INPP4A: variants seen among roughly 807,000 people sequenced by gnomAD.
INPP4A encodes inositol polyphosphate-4-phosphatase type I A.
INPP4A carries 33 observed loss-of-function variants against 119.8 expected under a neutral mutation model. That is an observed-to-expected ratio of 0.28 (90% CI 0.21 to 0.37). The LOEUF is 0.37. Among genes scored for constraint, INPP4A ranks in the 10% least tolerant of loss-of-function variants. INPP4A has a pLI of 1.00. For missense variants in INPP4A, 956 were observed against 1,289.9 expected (o/e 0.74, Z 3.97); for synonymous variants, 496 against 500.7 (o/e 0.99, Z 0.12).
At chr2:98,555,985 G>A (rs1694424678) in intron 16 of INPP4A, 177 bp downstream of exon 16, 1 of 687,240 alleles carries the variant, frequency 1.5e-6, no homozygotes, top group Non-Finnish European at 2.3e-6. Flanking sequence ...GGAGTCTCCG[G>A]TTGCCTTTCC....
At chr2:98,513,637 G>T (rs1685553048) in intron 1 of INPP4A, among the ~76,000 whole-genome samples, 1 of 152,252 alleles carries the variant, frequency 6.6e-6, no homozygotes, top group South Asian at 2.1e-4. Context: ...AGCAGAATGT[G>T]AGCTGTTGTG....
In INPP4A at chr2:98,532,132, A is replaced by G. The variant is rs149380686; in HGVS notation, c.152-1245A>G. Among the ~76,000 whole-genome samples, 4 of 152,326 alleles carry G rather than the reference A, an allele frequency of 2.6e-5. No individual in the cohort carries two copies. The East Asian group carries it at 7.7e-4, about 29-fold the overall frequency. On this transcript the variant is annotated intron_variant, in intron 4 of 24. Transcript: ENST00000409851. ...GTAACTTACTCTGAATGAACATGAC[A>G]AAGATATCTTCCCAGGTAAACTCTC...
chr2:98,518,073 T>G (rs1214978253), intron 1 of INPP4A, among the ~76,000 whole-genome samples: 1 of 152,276 alleles, frequency 6.6e-6, no homozygotes, highest in Non-Finnish European at 1.5e-5. Flanking sequence ...TCCTACCTTT[T>G]GCCACTTGCA....
intron 1 of INPP4A, among the ~76,000 whole-genome samples, chr2:98,490,934 T>A (rs906968065): frequency 6.6e-6 from 1 of 152,210 alleles, no homozygotes; most frequent in East Asian, 1.9e-4. Context: ...ACGAAAACCC[T>A]TTCCAAAGAA....
At chr2:98,461,342 C>T (rs1697118191) in intron 1 of INPP4A, among the ~76,000 whole-genome samples, 1 of 152,224 alleles carries the variant, frequency 6.6e-6, no homozygotes, top group African/African-American at 2.4e-5. Context: ...AAGGGATGCT[C>T]ATTGCCAAGG....
At chr2:98,494,126 G>C (rs1299266111) in intron 1 of INPP4A, among the ~76,000 whole-genome samples, 1 of 152,178 alleles carries the variant, frequency 6.6e-6, no homozygotes, top group Non-Finnish European at 1.5e-5. Flanking sequence ...CTCAGCATGA[G>C]AGAAGCTATG....
intron 1 of INPP4A, among the ~76,000 whole-genome samples, chr2:98,478,347 A>G (rs1048693633): frequency 3.3e-5 from 5 of 152,134 alleles, no homozygotes; most frequent in Non-Finnish European, 7.4e-5. Flanking sequence ...TGGGACCAGG[A>G]CTGCTCCAAG....
At chr2:98,484,292 A>G (rs1679104052) in intron 1 of INPP4A, among the ~76,000 whole-genome samples, 2 of 152,080 alleles carry the variant, frequency 1.3e-5, no homozygotes, top group African/African-American at 2.4e-5. Context: ...CTAGTTGCCC[A>G]CAAGCCTTAT....
At chr2:98,564,606 T>TGACCCTGAACCTCC (rs750181216) in intron 18 of INPP4A, 34 bp from the exon 19 acceptor site, 9 of 1,611,660 alleles carry the variant, frequency 5.6e-6, no homozygotes, top group Non-Finnish European at 2.5e-6. Context: ...AGCAGGCACC[T>TGACCCTGAACCTCC]GACCCTGAAC....
chr2:98,581,566 C>G, intron 24 of INPP4A: 1 of 1,482,396 alleles, frequency 6.7e-7, no homozygotes, highest in Non-Finnish European at 8.9e-7. Flanking sequence ...AAACTTTTTC[C>G]TTTTCACAGC....
intron 2 of INPP4A, 143 bp downstream of exon 2, chr2:98,519,168 G>A (rs1358579731): frequency 6.6e-6 from 1 of 152,246 alleles, no homozygotes; most frequent in Non-Finnish European, 1.5e-5. Flanking sequence ...TTATTGCTCA[G>A]TCTAATTATC....
intron 17 of INPP4A, among the ~76,000 whole-genome samples, chr2:98,562,860 G>A (rs1695740748): frequency 6.6e-6 from 1 of 151,204 alleles, no homozygotes; most frequent in African/African-American, 2.4e-5. Flanking sequence ...GGAAGGTGGG[G>A]GTGGGGAAGG....
Position 98,577,168 on chromosome 2 carries a change from GC to G in INPP4A, c.2786+29del, listed in dbSNP as rs1006341188. The G allele has an allele frequency of 7.7e-6, 12 of 1,550,342 alleles. No individual in the cohort carries two copies. The East Asian group carries it at 9.6e-5, about 12-fold the overall frequency. On this transcript the variant is annotated intron_variant, in intron 24 of 24. Transcript: ENST00000409851. ...GGTGAGTGCCGCAGCCAGGCCGCGC[GC>G]CCCGCCTGCCCCGGCCCGTGTAAAC...
At chr2:98,518,514 G>A (rs1052996403) in intron 1 of INPP4A, among the ~76,000 whole-genome samples, 1 of 152,252 alleles carries the variant, frequency 6.6e-6, no homozygotes, top group Non-Finnish European at 1.5e-5. Context: ...CAGCATTGTG[G>A]GAACTCAGTG....
At chr2:98,553,589 A>C (rs578206477) in intron 14 of INPP4A, among the ~76,000 whole-genome samples, 23 of 151,764 alleles carry the variant, frequency 1.5e-4, no homozygotes, top group South Asian at 1.0e-3. Flanking sequence ...ACACACACAC[A>C]CCCCAGATTC....
chr2:98,465,492 C>T (rs1489996583), intron 1 of INPP4A, among the ~76,000 whole-genome samples: 1 of 152,206 alleles, frequency 6.6e-6, no homozygotes, highest in Non-Finnish European at 1.5e-5. Flanking sequence ...TATAAGGTAA[C>T]ATTAATAGGT....
At chr2:98,530,443 T>A (rs1471953400) in intron 4 of INPP4A, among the ~76,000 whole-genome samples, 3 of 152,124 alleles carry the variant, frequency 2.0e-5, no homozygotes, top group Admixed American at 1.3e-4. Context: ...GGAAGGATAC[T>A]TGTTGAAACC....
chr2:98,550,022 G>C (rs1412163953), intron 13 of INPP4A, among the ~76,000 whole-genome samples: 1 of 152,120 alleles, frequency 6.6e-6, no homozygotes, highest in Non-Finnish European at 1.5e-5. Flanking sequence ...CAGAGGAAGA[G>C]GAATGGGAGG....
chr2:98,536,518 C>T (rs1431081699), intron 7 of INPP4A, among the ~76,000 whole-genome samples: 1 of 152,184 alleles, frequency 6.6e-6, no homozygotes, highest in Admixed American at 6.5e-5. Context: ...TATAATCTCC[C>T]ATAGAGCAGG....
Sources: gnomAD v4.1 joint callset for allele counts (sites outside exome capture counted in the v4.1 genomes callset) on GRCh38, gnomAD v4.1.1 for gene constraint, MANE v1.5 for transcripts, NCBI Gene and HGNC (gene_info 2026-07-23, HGNC 2026-07-21) for gene names.